The following SHROOM2 variants were observed in gnomAD, a reference collection of about 807,000 sequenced individuals.
The protein encoded by SHROOM2 is shroom family member 2.
SHROOM2 carries 33 observed loss-of-function variants against 75.9 expected under a neutral mutation model. The observed-to-expected ratio is 0.43, with a 90% CI of 0.33 to 0.58. SHROOM2 has a LOEUF of 0.58. Ranked by LOEUF, SHROOM2 falls within the 20% of genes least tolerant of loss-of-function variation. The pLI, the probability that SHROOM2 is intolerant of heterozygous loss-of-function variation, is 0.04. For synonymous variants in SHROOM2, 655 were observed against 663.6 expected, an observed-to-expected ratio of 0.99 and a Z score of 0.20; for missense variants, 1,434 against 1,461.2, an observed-to-expected ratio of 0.98 and a Z score of 0.30.
intron 4 of SHROOM2, among the ~76,000 whole-genome samples, chrX:9,897,966 A>C (rs1272749896): frequency 9.8e-5 from 11 of 112,238 alleles, no homozygotes; most frequent in Non-Finnish European, 1.9e-5. Flanking sequence ...ATTTTATTTT[A>C]TTTCTTTTGG....
Position 9,786,433 on chromosome X carries a change from T to C in SHROOM2, c.-113T>C. The C allele has an allele frequency of 3.2e-6, 2 of 617,872 alleles. No individual in the cohort carries two copies. The highest frequency in any genetic ancestry group is 4.0e-6 in the Non-Finnish European group (2 of 498,256). The allele number at this position is 617,872 out of a possible 1,213,427, so 50.9% of individuals were successfully genotyped here. On this transcript the variant is annotated 5_prime_UTR_variant, in exon 1 of 10. Coordinates refer to ENST00000380913, the MANE Select transcript of SHROOM2 (RefSeq NM_001649.4). Reference sequence around the variant, plus strand: ...TCCCTCCGCCGCCGGGCCGGCACTTTCTTTCCAAGTTACGGCGCAAGTTCT... The same window carrying C: ...TCCCTCCGCCGCCGGGCCGGCACTTCCTTTCCAAGTTACGGCGCAAGTTCT...
chrX:9,852,072 G>T (rs1012598907), intron 1 of SHROOM2, among the ~76,000 whole-genome samples: 1 of 111,575 alleles, frequency 9.0e-6, no homozygotes, highest in Non-Finnish European at 1.9e-5. Context: ...GGGCACGCTC[G>T]TTAAAAGCAG....
At chrX:9,907,434 C>T (rs1199640866) in intron 5 of SHROOM2, among the ~76,000 whole-genome samples, 1 of 111,229 alleles carries the variant, frequency 9.0e-6, no homozygotes, top group Non-Finnish European at 1.9e-5. Context: ...AAATCCCACA[C>T]ACCTGCATCC....
chrX:9,911,018 T>G (rs1253370145), intron 5 of SHROOM2, among the ~76,000 whole-genome samples: 1 of 110,795 alleles, frequency 9.0e-6, no homozygotes, highest in Non-Finnish European at 1.9e-5. Flanking sequence ...ATCAGCTGAT[T>G]GCTGTTCCGT....
chrX:9,847,957 A>G (rs1260962064), intron 1 of SHROOM2, among the ~76,000 whole-genome samples: 1 of 111,889 alleles, frequency 8.9e-6, no homozygotes, highest in Non-Finnish European at 1.9e-5. Context: ...GGGAAGGGGA[A>G]GATGGAGAAA....
At chrX:9,853,323 A>T (rs906018754) in intron 1 of SHROOM2, among the ~76,000 whole-genome samples, 8 of 112,141 alleles carry the variant, frequency 7.1e-5, no homozygotes. Context: ...GTGCTCACTT[A>T]CTAGCCCATT....
At position 9,937,543 on chromosome X, in the gene SHROOM2, A is replaced by T; in HGVS notation, c.3997A>T (p.Ile1333Phe). The change falls in exon 7 of 10, where the codon ATC (isoleucine) becomes TTC (phenylalanine). Residue 1333 changes from isoleucine (I) to phenylalanine (F), a missense_variant. Physicochemically the swap from Ile to Phe is conservative, Grantham distance 21. Transcript: ENST00000380913. The part of the protein sequence containing the change: ...IVGKDKSLAD[I>F]LDPSVKIKTT... ...GGGGAAGGATAAGTCCCTGGCCGAC[A>T]TCCTGGATCCCAGTGTGAAGATCAA... 1 of 1,212,067 alleles carries T rather than the reference A, an allele frequency of 8.3e-7. No homozygotes were observed.
chrX:9,851,125 C>A (rs2084037257), intron 1 of SHROOM2, among the ~76,000 whole-genome samples: 1 of 111,681 alleles, frequency 9.0e-6, no homozygotes, highest in South Asian at 3.7e-4. Flanking sequence ...CCTCCCACCT[C>A]AGCCTTCTGT....
chrX:9,818,717 CT>C, intron 1 of SHROOM2: 1 of 442,593 alleles, frequency 2.3e-6, no homozygotes. Context: ...ACATCCAGTC[CT>C]TCTGCTTCAG....
At chrX:9,928,294 A>G (rs1192008712) in intron 5 of SHROOM2, among the ~76,000 whole-genome samples, 2 of 112,310 alleles carry the variant, frequency 1.8e-5, no homozygotes, top group South Asian at 3.7e-4. Context: ...TGGCATTAGC[A>G]TGTTTTGCAT....
intron 6 of SHROOM2, among the ~76,000 whole-genome samples, chrX:9,933,087 CAG>C (rs1288292314): frequency 9.0e-6 from 1 of 111,338 alleles, no homozygotes; most frequent in Non-Finnish European, 1.9e-5. Flanking sequence ...CTGCAGGGAA[CAG>C]GGGTAGATGT....
intron 2 of SHROOM2, among the ~76,000 whole-genome samples, chrX:9,876,906 C>T (rs370326914): frequency 4.2e-4 from 47 of 112,438 alleles, no homozygotes; most frequent in African/African-American, 1.2e-3. Flanking sequence ...TGGGCTCAAG[C>T]GATCTTCCCA....
intron 1 of SHROOM2, among the ~76,000 whole-genome samples, chrX:9,861,790 G>A (rs1025294182): frequency 8.9e-6 from 1 of 111,870 alleles, no homozygotes; most frequent in Non-Finnish European, 1.9e-5. Context: ...GTACGTAAGT[G>A]GCAGAGGCAG....
intron 5 of SHROOM2, among the ~76,000 whole-genome samples, chrX:9,922,524 G>A (rs371480892): frequency 1.8e-5 from 2 of 109,489 alleles, no homozygotes; most frequent in South Asian, 4.0e-4. Context: ...CTACTTGTGC[G>A]TTCTTTGGCG....
At chrX:9,925,456 C>G (rs2084585476) in intron 5 of SHROOM2, among the ~76,000 whole-genome samples, 1 of 112,686 alleles carries the variant, frequency 8.9e-6, no homozygotes, top group Non-Finnish European at 1.9e-5. Flanking sequence ...ATGCCCACAA[C>G]CAATGGAGGA....
At chrX:9,837,869 G>A (rs1358771306) in intron 1 of SHROOM2, among the ~76,000 whole-genome samples, 4 of 110,579 alleles carry the variant, frequency 3.6e-5, no homozygotes, top group Non-Finnish European at 7.6e-5. Flanking sequence ...GGGTGCCTTC[G>A]CTAGGGCACT....
At chrX:9,907,870 G>A (rs768887837) in intron 5 of SHROOM2, among the ~76,000 whole-genome samples, 1 of 111,810 alleles carries the variant, frequency 8.9e-6, no homozygotes, top group Non-Finnish European at 1.9e-5. Context: ...AGAGAGTTGA[G>A]TCATTGCAAC....
intron 1 of SHROOM2, among the ~76,000 whole-genome samples, chrX:9,845,674 G>A (rs182481487): frequency 0.027 from 2,985 of 110,287 alleles, 47 homozygotes; most frequent in Non-Finnish European, 0.041. Context: ...ACTGGCTCCC[G>A]TCACCCTCCT....
rs768642690 is a variant in SHROOM2, at chrX:9,895,748, G to A, written c.1840G>A (p.Ala614Thr). 9.1e-5 allele frequency: 109 copies of A among 1,198,233 alleles called. 1 individual carries two copies. In the South Asian group the frequency reaches 1.2e-3, roughly 13 times the overall value. ...DSATRPPPFD[A>T]HVGKPTRRSD... ...CGCCACCAGACCGCCACCGTTCGAC[G>A]CCCACGTGGGCAAGCCCACCCGAAG... The change falls in exon 4 of 10, where the codon GCC becomes ACC. Residue 614 changes from alanine (A) to threonine (T), a missense_variant. By Grantham distance (58) the Ala-to-Thr change is moderately conservative. Coordinates refer to ENST00000380913, the MANE Select transcript of SHROOM2 (RefSeq NM_001649.4).
Sources: gnomAD v4.1 joint callset for allele counts (sites outside exome capture counted in the v4.1 genomes callset) on GRCh38, gnomAD v4.1.1 for gene constraint, MANE v1.5 for transcripts, NCBI Gene and HGNC (gene_info 2026-07-23, HGNC 2026-07-21) for gene names.